RASSF3: variants seen among roughly 807,000 people sequenced by gnomAD.
RASSF3 encodes the protein Ras association domain family member 3.
A neutral mutation model predicts 19.9 loss-of-function variants in RASSF3; 19 were observed. The observed-to-expected ratio is 0.96, with a 90% CI of 0.67 to 1.40. RASSF3 has a LOEUF of 1.40. Ranked by LOEUF, RASSF3 falls within the 40% of genes most tolerant of loss-of-function variation. The pLI is 0.00. For missense variants in RASSF3, 306 were observed against 289.8 expected (o/e 1.06, Z -0.41); for synonymous variants, 110 against 104.2 (o/e 1.06, Z -0.34).
At chr12:64,630,846 G>T (rs563577480) in intron 1 of RASSF3, among the ~76,000 whole-genome samples, 37 of 152,272 alleles carry the variant, frequency 2.4e-4, no homozygotes, top group African/African-American at 7.9e-4. Flanking sequence ...CACTCACCAA[G>T]AAATCAAGTA....
intron 1 of RASSF3, among the ~76,000 whole-genome samples, chr12:64,510,911 GCTA>G (rs1187059045): frequency 6.6e-6 from 1 of 152,176 alleles, no homozygotes; most frequent in Non-Finnish European, 1.5e-5. Flanking sequence ...TGAGAGCTGT[GCTA>G]CTTTGAGAGC....
chr12:64,553,006 C>G (rs1046228694), intron 2 of RASSF3, among the ~76,000 whole-genome samples: 2 of 152,004 alleles, frequency 1.3e-5, no homozygotes, highest in Non-Finnish European at 2.9e-5. Context: ...GTCAGGAGAT[C>G]GAGACCAGCC....
intron 1 of RASSF3, among the ~76,000 whole-genome samples, chr12:64,627,083 T>G (rs1871022078): frequency 6.6e-6 from 1 of 152,228 alleles, no homozygotes; most frequent in South Asian, 2.1e-4. Context: ...GTATGTGGAA[T>G]GTATTCCTAG....
intron 1 of RASSF3, among the ~76,000 whole-genome samples, chr12:64,622,302 C>T (rs1235338554): frequency 2.7e-5 from 4 of 150,342 alleles, no homozygotes; most frequent in East Asian, 2.0e-4. Context: ...GCTCGTTATC[C>T]GCCTGCCTTG....
chr12:64,585,032 C>T lies in RASSF3; in HGVS notation c.294+43327C>T, dbSNP rs533593387. ...TCCTGAGTAGCTGGGACTACAGGCG[C>T]ATGCCACCATGCCCAGCTAATATTT... On this transcript the variant is annotated intron_variant, in intron 2 of 5. Coordinates refer to the RASSF3 transcript ENST00000637125. Among the ~76,000 whole-genome samples the T allele has an allele frequency of 9.9e-5, 15 of 151,584 alleles. No homozygotes were observed. The East Asian group carries it at 1.7e-3, about 18-fold the overall frequency.
intron 2 of RASSF3, among the ~76,000 whole-genome samples, chr12:64,553,976 CAA>C (rs1021865573): frequency 2.2e-4 from 18 of 83,462 alleles, no homozygotes; most frequent in Admixed American, 6.3e-4. Flanking sequence ...GATCCTGTCT[CAA>C]AAAAAAAAAA....
At chr12:64,614,195 G>A (rs1870472922) in intron 1 of RASSF3, among the ~76,000 whole-genome samples, 1 of 148,912 alleles carries the variant, frequency 6.7e-6, no homozygotes, top group Non-Finnish European at 1.5e-5. Flanking sequence ...GTGCAATGGC[G>A]TGATCTCGGC....
chr12:64,574,310 TAAA>T (rs879703990), intron 2 of RASSF3, among the ~76,000 whole-genome samples: 5 of 135,626 alleles, frequency 3.7e-5, no homozygotes, highest in South Asian at 2.4e-4. Flanking sequence ...GACTCTGTCT[TAAA>T]AAAAAAAAAA....
At chr12:64,520,555 C>CACACAT (rs1435123674) in intron 1 of RASSF3, among the ~76,000 whole-genome samples, 375 of 86,206 alleles carry the variant, frequency 4.4e-3, no homozygotes, top group South Asian at 0.013. Context: ...CACATACACA[C>CACACAT]ATATATATAT....
At chr12:64,507,251 C>G in exon 1 of RASSF3, 1 of 398,606 alleles carries the variant, frequency 2.5e-6, no homozygotes, top group Non-Finnish European at 4.4e-6. Context: ...AAGAATAGCC[C>G]GGCTCTTTTA....
intron 1 of RASSF3, among the ~76,000 whole-genome samples, chr12:64,640,611 C>A (rs112599591): frequency 0.013 from 1,964 of 152,174 alleles, 43 homozygotes; most frequent in African/African-American, 0.045. Flanking sequence ...CAAGGTTCAT[C>A]CATGTTGTTG....
intron 1 of RASSF3, among the ~76,000 whole-genome samples, chr12:64,667,792 A>G (rs970860765): frequency 6.6e-6 from 1 of 152,204 alleles, no homozygotes; most frequent in Non-Finnish European, 1.5e-5. Context: ...CCTGAGGCTC[A>G]TCTCCAGAGC....
At chr12:64,671,021 G>C (rs1257042882) in intron 1 of RASSF3, among the ~76,000 whole-genome samples, 2 of 152,166 alleles carry the variant, frequency 1.3e-5, no homozygotes, top group Admixed American at 1.3e-4. Flanking sequence ...TAAGAATTCA[G>C]AGGCAAGTTG....
chr12:64,561,818 G>T (rs189161016), intron 2 of RASSF3, among the ~76,000 whole-genome samples: 27 of 142,844 alleles, frequency 1.9e-4, no homozygotes, highest in African/African-American at 6.7e-4. Context: ...TCAGCCTCCC[G>T]AGTAGCTGGG....
At chr12:64,678,981 A>G (rs1873017056) in intron 1 of RASSF3, among the ~76,000 whole-genome samples, 1 of 152,242 alleles carries the variant, frequency 6.6e-6, no homozygotes, top group South Asian at 2.1e-4. Flanking sequence ...GTATGTCTAA[A>G]TCATAGTCCA....
intron 2 of RASSF3, among the ~76,000 whole-genome samples, chr12:64,591,928 G>A (rs1869930637): frequency 1.3e-5 from 2 of 150,856 alleles, no homozygotes; most frequent in South Asian, 2.1e-4. Context: ...TTGAGACAGG[G>A]TTTTACTGTG....
chr12:64,554,000 A>G (rs1869210601), intron 2 of RASSF3, among the ~76,000 whole-genome samples: 1 of 150,376 alleles, frequency 6.6e-6, no homozygotes. Flanking sequence ...AAAAGAAAGA[A>G]AAAAAAAAGT....
intron 2 of RASSF3, among the ~76,000 whole-genome samples, chr12:64,591,486 A>AG (rs891894112): frequency 1.3e-5 from 2 of 151,438 alleles, no homozygotes; most frequent in African/African-American, 2.4e-5. Context: ...AAAAAAAAAA[A>AG]GTCAACCTGA....
At chr12:64,575,500 G>A (rs1869581213) in intron 2 of RASSF3, among the ~76,000 whole-genome samples, 1 of 152,174 alleles carries the variant, frequency 6.6e-6, no homozygotes, top group African/African-American at 2.4e-5. Context: ...CTGTAATGCA[G>A]TATAAGCGTG....
Sources: gnomAD v4.1 joint callset for allele counts (sites outside exome capture counted in the v4.1 genomes callset) on GRCh38, gnomAD v4.1.1 for gene constraint, MANE v1.5 for transcripts, NCBI Gene and HGNC (gene_info 2026-07-23, HGNC 2026-07-21) for gene names.